Variants in SUN1 observed in about 807,000 individuals in gnomAD.
SUN1 encodes the protein SUN domain-containing protein 1.
Under a neutral mutation model 103.2 loss-of-function variants are expected in SUN1, and 61 were observed. The observed-to-expected ratio is 0.59, with a 90% CI of 0.48 to 0.73. The LOEUF (loss-of-function observed/expected upper bound fraction) is 0.73. Among genes scored for constraint, SUN1 ranks in the 30% least tolerant of loss-of-function variants. SUN1 has a pLI of 0.00. For missense variants in SUN1, 1,052 were observed against 1,034.6 expected, an observed-to-expected ratio of 1.02 and a Z score of -0.23; for synonymous variants, 490 against 425.7, an observed-to-expected ratio of 1.15 and a Z score of -1.86.
chr7:847,898 G>T (rs866797285), intron 5 of SUN1, among the ~76,000 whole-genome samples: 1 of 150,812 alleles, frequency 6.6e-6, no homozygotes, highest in Non-Finnish European at 1.5e-5. Context: ...CGCCGTCTCC[G>T]GGATCCCCTG....
chr7:842,174 T>C (rs1810698920), intron 3 of SUN1, 44 bp downstream of exon 3: 1 of 1,594,184 alleles, frequency 6.3e-7, no homozygotes, highest in African/African-American at 1.3e-5. Context: ...ACAGTTGGGG[T>C]GTTTCTCAGA....
At chr7:816,549 C>T, upstream of SUN1, 1 of 381,360 alleles carries the variant, frequency 2.6e-6, no homozygotes, top group Non-Finnish European at 5.1e-6. Context: ...GCGCTCGGGA[C>T]TGGTGAAGGC....
intron 1 of SUN1, chr7:817,373 G>T: frequency 6.6e-7 from 1 of 1,525,806 alleles, no homozygotes; most frequent in Non-Finnish European, 8.8e-7. Context: ...TGGTCTCCGC[G>T]CCCTGTTGCG....
Position 857,129 on chromosome 7 carries a change from C to A in SUN1, c.1395-699C>A, listed in dbSNP as rs548331964. On this transcript the variant is annotated intron_variant, in intron 12 of 18. Transcript: ENST00000401592. Reference sequence around the variant, plus strand: ...TGTCTTTCTTACTTCATTTTATGCACGCAGCTCGTATTCCCCACAGCCCTC... The same window carrying A: ...TGTCTTTCTTACTTCATTTTATGCAAGCAGCTCGTATTCCCCACAGCCCTC... Among the ~76,000 whole-genome samples, 106 of 152,232 alleles carry A rather than the reference C, an allele frequency of 7.0e-4. 1 individual carries two copies. Among genetic ancestry groups the A allele is most frequent in the African/African-American group, 2.5e-3 (103 of 41,502 alleles).
Position 844,756 on chromosome 7 carries a change from C to G in SUN1, c.658+1236C>G, listed in dbSNP as rs547203584. Among the ~76,000 whole-genome samples, 40 of 152,312 alleles carry G rather than the reference C, an allele frequency of 2.6e-4. No individual in the cohort carries two copies. The Middle Eastern group carries it at 0.014, about 52-fold the overall frequency. ...GCGCCAGGCACTGTTCATGGGTGATCACGGCAGCCCCCTTATTACAGACAA... is the reference window on the plus strand; with the variant it reads ...GCGCCAGGCACTGTTCATGGGTGATGACGGCAGCCCCCTTATTACAGACAA... On this transcript the variant is annotated intron_variant, in intron 5 of 18. Coordinates refer to ENST00000401592, the MANE Select transcript of SUN1 (RefSeq NM_001130965.3).
intron 1 of SUN1, chr7:816,715 G>C (rs1402579706): frequency 6.7e-6 from 1 of 149,674 alleles, no homozygotes; most frequent in Non-Finnish European, 1.5e-5. Context: ...CCCGGGGCGG[G>C]CGCCGGGCTG....
intron 5 of SUN1, among the ~76,000 whole-genome samples, chr7:847,472 T>C (rs1817256232): frequency 8.8e-6 from 1 of 113,618 alleles, no homozygotes; most frequent in Non-Finnish European, 1.9e-5. Context: ...GTCTCCGGGG[T>C]CCCCTGGGGG....
In SUN1 at chr7:857,363, T is replaced by C. The variant is rs780537370; in HGVS notation, c.1395-465T>C. On this transcript the variant is annotated intron_variant, in intron 12 of 18. Coordinates refer to ENST00000401592, the MANE Select transcript of SUN1 (RefSeq NM_001130965.3). ...TGTTAATATGTCAATCCTAAAGTGT[T>C]GATCTGGGAATGGGCTTTTTGAGAT... 2.6e-5 allele frequency among the ~76,000 whole-genome samples: 4 copies of C among 151,538 alleles called. 1 individual carries two copies. Among genetic ancestry groups the C allele is most frequent in the African/African-American group, 4.9e-5 (2 of 41,150 alleles).
intron 16 of SUN1, among the ~76,000 whole-genome samples, chr7:868,123 C>G (rs1838508024): frequency 6.6e-6 from 1 of 152,216 alleles, no homozygotes; most frequent in African/African-American, 2.4e-5. Context: ...GGGTACGTGC[C>G]CATCGTTCAC....
In SUN1 at chr7:854,904, CCTT is replaced by C. The variant is rs1825735968; in HGVS notation, c.1264-13_1264-11del. On this transcript the variant is annotated splice_polypyrimidine_tract_variant and intron_variant, in intron 10 of 18. Coordinates refer to ENST00000401592, the MANE Select transcript of SUN1 (RefSeq NM_001130965.3). ...TAACTTTCTCCATCATTTGTTCACT[CCTT>C]CTCTTTCCTAAGACTGACTTTATGG... is the stretch of plus-strand genomic sequence containing the variant. 3 of 1,597,800 alleles carry C rather than the reference CCTT, an allele frequency of 1.9e-6. No homozygotes were observed. Among genetic ancestry groups the C allele is most frequent in the South Asian group, 1.1e-5 (1 of 89,576 alleles).
At chr7:819,398 A>T (rs1396879978) in intron 1 of SUN1, among the ~76,000 whole-genome samples, 2 of 152,114 alleles carry the variant, frequency 1.3e-5, no homozygotes. Flanking sequence ...TTTTGATGTC[A>T]TACCTAAGAA....
chr7:867,931 C>A (rs920841567), intron 16 of SUN1, among the ~76,000 whole-genome samples: 1 of 152,170 alleles, frequency 6.6e-6, no homozygotes, highest in Middle Eastern at 3.2e-3. Context: ...GGCTGCAACA[C>A]CCCCAAGAGG....
chr7:854,258 C>T (rs1475285302), intron 10 of SUN1, among the ~76,000 whole-genome samples: 2 of 152,252 alleles, frequency 1.3e-5, no homozygotes, highest in African/African-American at 2.4e-5. Flanking sequence ...GTGATCATGG[C>T]GGCGACTGGA....
intron 1 of SUN1, among the ~76,000 whole-genome samples, chr7:836,949 G>A (rs1247400329): frequency 6.6e-6 from 1 of 152,222 alleles, no homozygotes; most frequent in Non-Finnish European, 1.5e-5. Flanking sequence ...CAGACGTGGG[G>A]CGGATGGAGG....
intron 17 of SUN1, among the ~76,000 whole-genome samples, chr7:871,497 C>G (rs891363162): frequency 6.6e-6 from 1 of 152,226 alleles, no homozygotes; most frequent in Admixed American, 6.5e-5. Context: ...AAGCGATTCT[C>G]CTGCCTCAGC....
intron 3 of SUN1, chr7:842,369 T>G: frequency 1.9e-6 from 1 of 538,358 alleles, no homozygotes. Flanking sequence ...CATGTGCGCC[T>G]TGTCGGGTGG....
chr7:846,801 C>T (rs1417867089), intron 5 of SUN1, among the ~76,000 whole-genome samples: 1 of 152,068 alleles, frequency 6.6e-6, no homozygotes, highest in African/African-American at 2.4e-5. Flanking sequence ...CGCTTGAGCT[C>T]AGGAGGCTTG....
chr7:822,559 AT>A (rs1787257489), intron 1 of SUN1, among the ~76,000 whole-genome samples: 1 of 152,162 alleles, frequency 6.6e-6, no homozygotes, highest in Non-Finnish European at 1.5e-5. Flanking sequence ...ATTTATTTTG[AT>A]TTTTAATATT....
At position 866,729 on chromosome 7, in the gene SUN1, C is replaced by T. The variant is rs866529896; in HGVS notation, c.1980+662C>T. 2.7e-4 allele frequency among the ~76,000 whole-genome samples: 22 copies of T among 81,432 alleles called. 1 individual carries two copies. The highest frequency in any genetic ancestry group is 8.8e-4 in the African/African-American group (17 of 19,258). 53.4% of individuals were successfully genotyped at this position (81,432 alleles called of 152,430 possible). A position where few individuals can be genotyped will look rare whatever the true frequency, so the allele number is the denominator to read the frequency against. Reference sequence around the variant, plus strand: ...GGGCCTTCGCCCCCCCCCCGCCCCCCGTCCCACCGGGCCTTCACCCCCACC... The same window carrying T: ...GGGCCTTCGCCCCCCCCCCGCCCCCTGTCCCACCGGGCCTTCACCCCCACC... On this transcript the variant is annotated intron_variant, in intron 16 of 18. Coordinates refer to ENST00000401592, the MANE Select transcript of SUN1 (RefSeq NM_001130965.3).
Sources: gnomAD v4.1 joint callset for allele counts (sites outside exome capture counted in the v4.1 genomes callset) on GRCh38, gnomAD v4.1.1 for gene constraint, MANE v1.5 for transcripts, NCBI Gene and HGNC (gene_info 2026-07-23, HGNC 2026-07-21) for gene names.